The following PCDHGA6 variants were observed in gnomAD, a reference collection of about 807,000 sequenced individuals.
The protein encoded by PCDHGA6 is protocadherin gamma subfamily A, 6.
A neutral mutation model predicts 60.6 loss-of-function variants in PCDHGA6; 41 were observed. The observed-to-expected ratio is 0.68, with a 90% CI of 0.53 to 0.88. The LOEUF (loss-of-function observed/expected upper bound fraction) is 0.88. Among genes scored for constraint, PCDHGA6 ranks in the 40% least tolerant of loss-of-function variants. PCDHGA6 has a pLI of 0.00. For synonymous variants in PCDHGA6, 594 were observed against 524.4 expected (o/e 1.13, Z -1.81); for missense variants, 1,312 against 1,203.0 (o/e 1.09, Z -1.34).
intron 1 of PCDHGA6, chr5:141,426,867 G>A (rs1436078091): frequency 4.4e-6 from 2 of 456,708 alleles, no homozygotes; most frequent in Non-Finnish European, 8.8e-6. Flanking sequence ...ATTAGTGCTG[G>A]AGAAGCCCCT....
At chr5:141,430,986 C>T (rs549700048) in intron 1 of PCDHGA6, 3 of 1,613,762 alleles carry the variant, frequency 1.9e-6, no homozygotes, top group East Asian at 2.2e-5. Flanking sequence ...CAGCTTTTCG[C>T]CCTGAATCCG....
At chr5:141,398,396 T>A (rs1191920974) in intron 1 of PCDHGA6, 1 of 1,465,660 alleles carries the variant, frequency 6.8e-7, no homozygotes, top group South Asian at 1.2e-5. Flanking sequence ...AGCAGCAGGC[T>A]AGACAGGGAG....
At chr5:141,430,980 T>C in intron 1 of PCDHGA6, 1 of 1,613,618 alleles carries the variant, frequency 6.2e-7, no homozygotes, top group African/African-American at 1.3e-5. Context: ...AGGACGCAGC[T>C]TTTCGCCCTG....
intron 1 of PCDHGA6, among the ~76,000 whole-genome samples, chr5:141,443,722 C>G (rs2098401001): frequency 6.6e-6 from 1 of 152,012 alleles, no homozygotes; most frequent in Admixed American, 6.6e-5. Context: ...TATAAAATTC[C>G]TCATACATTT....
At position 141,429,460 on chromosome 5, in the gene PCDHGA6, C is replaced by T. The variant is rs528924726; in HGVS notation, c.2424+52953C>T. The stretch of plus-strand genomic sequence containing the variant: ...AAACTCTTGGGCTACAGTAATCCTC[C>T]CACCTCAATCTCCAGAGTAGCTGAG... On this transcript the variant is annotated intron_variant, in intron 1 of 3. Transcript: ENST00000517434. Among the ~76,000 whole-genome samples the T allele has an allele frequency of 1.6e-4, 25 of 151,938 alleles. 1 individual carries two copies. The South Asian group carries it at 4.6e-3, about 28-fold the overall frequency.
At chr5:141,386,520 G>A (rs976508801) in intron 1 of PCDHGA6, among the ~76,000 whole-genome samples, 1 of 144 alleles carries the variant, frequency 6.9e-3, no homozygotes, top group South Asian at 0.5. Context: ...TTCAAAAAAA[G>A]ACTCTTTTTA....
At position 141,486,671 on chromosome 5, in the gene PCDHGA6, C is replaced by G. The variant is rs1307620045; in HGVS notation, c.2425-8136C>G. 24 of 1,613,926 alleles carry G rather than the reference C, an allele frequency of 1.5e-5. No homozygotes were observed. The highest frequency in any genetic ancestry group is 2.7e-5 in the African/African-American group (2 of 74,932). Reference sequence around the variant, plus strand: ...CTACTCACTCCTGGAGCCCAGGAATCGAGATGTATCAGCTTCCTCTTTCAT... The same window carrying G: ...CTACTCACTCCTGGAGCCCAGGAATGGAGATGTATCAGCTTCCTCTTTCAT... On this transcript the variant is annotated intron_variant, in intron 1 of 3. Transcript: ENST00000517434. The surrounding 1 kb of genome is among the most constrained non-coding windows in gnomAD (Gnocchi z 5.0).
At chr5:141,398,747 AC>A in intron 1 of PCDHGA6, 1 of 1,613,496 alleles carries the variant, frequency 6.2e-7, no homozygotes, top group Middle Eastern at 1.6e-4. Context: ...CAACAGAGTT[AC>A]CATCGTTTAG....
At chr5:141,415,476 G>A (rs765634887) in intron 1 of PCDHGA6, 1 of 1,614,076 alleles carries the variant, frequency 6.2e-7, no homozygotes. Context: ...CCGCGGACTC[G>A]CGAAAGAGTC....
chr5:141,403,666 T>C (rs2094439937), intron 1 of PCDHGA6: 1 of 1,613,926 alleles, frequency 6.2e-7, no homozygotes, highest in Non-Finnish European at 8.5e-7. Context: ...CAAATGATAA[T>C]GCCCCGGTTT....
intron 1 of PCDHGA6, among the ~76,000 whole-genome samples, chr5:141,438,674 A>C (rs894070572): frequency 1.9e-4 from 25 of 134,850 alleles, no homozygotes; most frequent in Non-Finnish European, 3.1e-4. Context: ...ATATATTTGG[A>C]GTAGGGGATG....
At chr5:141,399,279 C>T (rs370090713) in intron 1 of PCDHGA6, 76 of 1,613,576 alleles carry the variant, frequency 4.7e-5, no homozygotes, top group Non-Finnish European at 5.0e-5. Flanking sequence ...AATTACAAGG[C>T]GAAGTCCCTT....
chr5:141,398,264 T>C lies in PCDHGA6; in HGVS notation c.2424+21757T>C, dbSNP rs370063277. On this transcript the variant is annotated intron_variant, in intron 1 of 3. Transcript: ENST00000517434. ...CCCGAGGAAATGCCCAAGGGCTCCG[T>C]AGTGGGGAACCTCGCCACGGACCTG... 2,051 of 1,443,238 alleles carry C rather than the reference T, an allele frequency of 1.4e-3. 29 individuals carry two copies. In the African/African-American group the frequency reaches 0.026, roughly 18 times the overall value. 89.4% of individuals were successfully genotyped at this position (1,443,238 alleles called of 1,614,324 possible).
Position 141,477,818 on chromosome 5 carries a change from C to T in PCDHGA6, c.2425-16989C>T, listed in dbSNP as rs202009040. 33 of 1,614,040 alleles carry T rather than the reference C, an allele frequency of 2.0e-5. No homozygotes were observed. The highest frequency in any genetic ancestry group is 1.3e-4 in the Admixed American group (8 of 60,006). On this transcript the variant is annotated intron_variant, in intron 1 of 3. Transcript: ENST00000517434. This position sits in a 1 kb window ranked among gnomAD's most constrained non-coding sequence, Gnocchi z 4.9. ...TCGCAATGACAATGCCCCCCAGGTCCTATATCCTCGGCCAGGTGGGAGCTC... is the reference window on the plus strand; with the variant it reads ...TCGCAATGACAATGCCCCCCAGGTCTTATATCCTCGGCCAGGTGGGAGCTC...
In PCDHGA6 at chr5:141,489,183, G is replaced by A. The variant is rs2099683673; in HGVS notation, c.2425-5624G>A. 7.9e-7 allele frequency: 1 copy of A among 1,270,400 alleles called. No individual in the cohort carries two copies. Among genetic ancestry groups the A allele is most frequent in the Non-Finnish European group, 1.1e-6 (1 of 913,958 alleles). The allele number at this position is 1,270,400 out of a possible 1,614,324, so 78.7% of individuals were successfully genotyped here. A position where few individuals can be genotyped will look rare whatever the true frequency, so the allele number is the denominator to read the frequency against. ...TTCAGCTGCTGCATTCCAAGCCCTGGGTCTACCTTGGAGACAGGACAGCAC... is the reference window on the plus strand; with the variant it reads ...TTCAGCTGCTGCATTCCAAGCCCTGAGTCTACCTTGGAGACAGGACAGCAC... On this transcript the variant is annotated intron_variant, in intron 1 of 3. Transcript: ENST00000517434. The surrounding 1 kb of genome is among the most constrained non-coding windows in gnomAD (Gnocchi z 4.5).
In PCDHGA6 at chr5:141,374,994, C is replaced by T; in HGVS notation, c.911C>T (p.Ser304Phe). The part of the protein sequence containing the change: ...LNVLTGEIST[S>F]ANLDYEDSSF... ...GTTTTGACTGGAGAAATTTCAACTT[C>T]TGCAAATCTAGACTATGAGGACTCG... The change falls in exon 1 of 4, where the codon TCT becomes TTT. Residue 304 changes from serine (S) to phenylalanine (F), a missense_variant. Transcript: ENST00000517434. 6.2e-7 allele frequency: 1 copy of T among 1,614,038 alleles called. No individual in the cohort carries two copies. The highest frequency in any genetic ancestry group is 8.5e-7 in the Non-Finnish European group (1 of 1,179,902).
chr5:141,506,434 C>A lies in PCDHGA6; in HGVS notation c.2572+953C>A, dbSNP rs139627189. Among the ~76,000 whole-genome samples the A allele has an allele frequency of 8.5e-4, 112 of 131,752 alleles. 2 individuals are homozygous for A. The highest frequency in any genetic ancestry group is 3.3e-3 in the African/African-American group (107 of 32,408). 86.4% of individuals were successfully genotyped at this position (131,752 alleles called of 152,430 possible). ...TGCACTCCAGCCTGGGCAACAGTCT[C>A]GCTCTGTCTCAAAAAAAAAAAAAAA... On this transcript the variant is annotated intron_variant, in intron 3 of 3. Transcript: ENST00000517434.
Position 141,487,226 on chromosome 5 carries a change from G to A in PCDHGA6, c.2425-7581G>A. ...TCGAGAATCTTCAGCTCCAAGGGAA[G>A]GAGAATCTCGTCTAACCCTCTACTT... is the stretch of plus-strand genomic sequence containing the variant. On this transcript the variant is annotated intron_variant, in intron 1 of 3. Transcript: ENST00000517434. This position sits in a 1 kb window ranked among gnomAD's most constrained non-coding sequence, Gnocchi z 5.0. The A allele has an allele frequency of 6.2e-7, 1 of 1,614,104 alleles. No individual in the cohort carries two copies. Among genetic ancestry groups the A allele is most frequent in the South Asian group, 1.1e-5 (1 of 91,074 alleles).
chr5:141,413,517 G>A (rs1561743187), intron 1 of PCDHGA6: 1 of 1,613,946 alleles, frequency 6.2e-7, no homozygotes. Flanking sequence ...ATATCCTTGT[G>A]GAAGACAGGG....
Sources: gnomAD v4.1 joint callset for allele counts (sites outside exome capture counted in the v4.1 genomes callset) on GRCh38, gnomAD v4.1.1 for gene constraint, Gnocchi (gnomAD v3.1) non-coding constraint, MANE v1.5 for transcripts, NCBI Gene and HGNC (gene_info 2026-07-23, HGNC 2026-07-21) for gene names.